The following GOT1 variants were observed in gnomAD, a reference collection of about 807,000 sequenced individuals.
The protein encoded by GOT1 is glutamic-oxaloacetic transaminase 1, also known as aspartate aminotransferase, cytoplasmic.
In GOT1, 25 loss-of-function variants were observed where a neutral mutation model predicts 48.2. The ratio of observed to expected loss-of-function variants is 0.52; its 90% confidence interval spans 0.38 to 0.72. GOT1 has a LOEUF of 0.72. GOT1 is among the 30% of genes least tolerant of loss of function. The probability of loss-of-function intolerance (pLI) is 0.00; values close to 1 mark genes in which losing one functional copy is unlikely to be tolerated. For synonymous variants in GOT1, 188 were observed against 193.8 expected, an observed-to-expected ratio of 0.97 and a Z score of 0.25; for missense variants, 380 against 520.1, an observed-to-expected ratio of 0.73 and a Z score of 2.62.
At chr10:99,430,306 T>C in intron 1 of GOT1, 142 bp downstream of exon 1, 1 of 1,591,430 alleles carries the variant, frequency 6.3e-7, no homozygotes, top group Non-Finnish European at 8.5e-7. Flanking sequence ...TAGGAAGCCT[T>C]CGTGGATCCA....
chr10:99,421,307 T>C (rs966351741), intron 1 of GOT1, among the ~76,000 whole-genome samples: 5 of 151,312 alleles, frequency 3.3e-5, no homozygotes, highest in African/African-American at 1.2e-4. Context: ...GGAGAAGGAG[T>C]GGAAGAAGGC....
At chr10:99,430,303 C>G (rs1365292414) in intron 1 of GOT1, 145 bp downstream of exon 1, 1 of 1,588,146 alleles carries the variant, frequency 6.3e-7, no homozygotes, top group South Asian at 1.1e-5. Flanking sequence ...TTTTAGGAAG[C>G]CTTCGTGGAT....
At chr10:99,407,558 G>A (rs1312423916) in intron 2 of GOT1, among the ~76,000 whole-genome samples, 1 of 151,262 alleles carries the variant, frequency 6.6e-6, no homozygotes. Flanking sequence ...TCAGCCTCCC[G>A]AGTAGCTGGG....
chr10:99,406,391 A>G, intron 3 of GOT1, 142 bp from the exon 4 acceptor site: 1 of 658,308 alleles, frequency 1.5e-6, no homozygotes, highest in Non-Finnish European at 2.7e-6. Flanking sequence ...ATGTAGAGGA[A>G]TGATTGTAAC....
intron 1 of GOT1, among the ~76,000 whole-genome samples, chr10:99,422,148 G>T (rs2032978304): frequency 6.6e-6 from 1 of 152,058 alleles, no homozygotes. Flanking sequence ...TTGTGACAGT[G>T]AGTGAGTTCT....
intron 2 of GOT1, chr10:99,420,392 T>C (rs905052662): frequency 1.5e-5 from 7 of 479,508 alleles, no homozygotes; most frequent in Admixed American, 3.8e-5. Context: ...CTGCTTCAAA[T>C]GCAGTAGCTA....
At chr10:99,418,663 G>A (rs1564973521) in intron 2 of GOT1, among the ~76,000 whole-genome samples, 1 of 151,850 alleles carries the variant, frequency 6.6e-6, no homozygotes, top group East Asian at 1.9e-4. Context: ...CACCATGCCC[G>A]GCTAATTTTT....
In GOT1 at chr10:99,397,360, G is replaced by T; in HGVS notation, c.*187C>A. The T allele has an allele frequency of 2.5e-5, 16 of 645,912 alleles. No homozygotes were observed. The South Asian group carries it at 3.3e-4, about 13-fold the overall frequency. The allele number at this position is 645,912 out of a possible 1,614,324, so 40.0% of individuals were successfully genotyped here. A position where few individuals can be genotyped will look rare whatever the true frequency, so the allele number is the denominator to read the frequency against. ...TTGACCTCCAAAGGCTCTAATCCCA[G>T]TCTCCAAATTCGTCTCAAGGGATGT... On this transcript the variant is annotated 3_prime_UTR_variant, in exon 9 of 9. Transcript: ENST00000370508. The surrounding 1 kb of genome is among the most constrained non-coding windows in gnomAD (Gnocchi z 5.4).
chr10:99,415,575 C>T (rs2032884570), intron 2 of GOT1, among the ~76,000 whole-genome samples: 1 of 152,166 alleles, frequency 6.6e-6, no homozygotes, highest in Non-Finnish European at 1.5e-5. Flanking sequence ...AGAGGAAATC[C>T]TCCCTAACTC....
At chr10:99,409,780 CCTGAAAATGA>C (rs1476444514) in intron 2 of GOT1, among the ~76,000 whole-genome samples, 1 of 152,198 alleles carries the variant, frequency 6.6e-6, no homozygotes. Flanking sequence ...GTGGATACTT[CCTGAAAATGA>C]CTGAAAAAAA....
intron 2 of GOT1, 104 bp downstream of exon 2, chr10:99,420,520 G>T: frequency 1.2e-6 from 1 of 815,442 alleles, no homozygotes; most frequent in Non-Finnish European, 1.9e-6. Flanking sequence ...TTATTCATTG[G>T]CAGTTCAATA....
intron 1 of GOT1, among the ~76,000 whole-genome samples, chr10:99,427,355 G>A (rs1428608353): frequency 1.3e-5 from 2 of 152,062 alleles, no homozygotes; most frequent in African/African-American, 2.4e-5. Context: ...TGCAAGCTCC[G>A]CCTCCTGGGT....
At chr10:99,403,369 C>T (rs969085089) in intron 7 of GOT1, 100 bp downstream of exon 7, 12 of 981,346 alleles carry the variant, frequency 1.2e-5, no homozygotes, top group Non-Finnish European at 1.8e-5. Context: ...TTTTATCCTG[C>T]TTCTGCCAAA....
At chr10:99,420,920 A>G (rs1564974081) in intron 1 of GOT1, 115 bp from the exon 2 acceptor site, 4 of 837,406 alleles carry the variant, frequency 4.8e-6, no homozygotes, top group Admixed American at 5.1e-5. Context: ...AGAACAGTGA[A>G]GGAAATTGGA....
intron 1 of GOT1, among the ~76,000 whole-genome samples, chr10:99,422,834 T>C (rs761984798): frequency 6.6e-6 from 1 of 152,248 alleles, no homozygotes; most frequent in African/African-American, 2.4e-5. Flanking sequence ...AGAGCGTCCT[T>C]GTTCTTTTTT....
intron 2 of GOT1, among the ~76,000 whole-genome samples, chr10:99,413,909 G>C (rs932246782): frequency 2.6e-5 from 4 of 152,028 alleles, no homozygotes; most frequent in South Asian, 2.1e-4. Context: ...TTGTCACCAC[G>C]AGGCCTGCCC....
At chr10:99,426,019 T>C (rs1301957580) in intron 1 of GOT1, among the ~76,000 whole-genome samples, 2 of 152,180 alleles carry the variant, frequency 1.3e-5, no homozygotes. Flanking sequence ...TATTGTGATG[T>C]CTATTTTAAG....
At chr10:99,423,988 T>C (rs933778503) in intron 1 of GOT1, among the ~76,000 whole-genome samples, 2 of 152,116 alleles carry the variant, frequency 1.3e-5, no homozygotes, top group Non-Finnish European at 2.9e-5. Flanking sequence ...ATTCATGATA[T>C]ACCCCTTAGT....
chr10:99,422,234 T>C (rs2032979797), intron 1 of GOT1, among the ~76,000 whole-genome samples: 1 of 152,238 alleles, frequency 6.6e-6, no homozygotes, highest in Admixed American at 6.5e-5. Context: ...GTGAAGGTGC[T>C]TGCTTGCGCT....
Sources: gnomAD v4.1 joint callset for allele counts (sites outside exome capture counted in the v4.1 genomes callset) on GRCh38, gnomAD v4.1.1 for gene constraint, Gnocchi (gnomAD v3.1) non-coding constraint, MANE v1.5 for transcripts, NCBI Gene and HGNC (gene_info 2026-07-23, HGNC 2026-07-21) for gene names.